DGKI: variants seen among roughly 807,000 people sequenced by gnomAD.
DGKI encodes the protein diacylglycerol kinase iota.
In DGKI, 55 loss-of-function variants were observed where a neutral mutation model predicts 147.5. That is an observed-to-expected ratio of 0.37 (90% CI 0.30 to 0.47). DGKI has a LOEUF of 0.47. DGKI is among the 20% of genes least tolerant of loss of function. The pLI, the probability that DGKI is intolerant of heterozygous loss-of-function variation, is 1.00. For synonymous variants in DGKI, 469 were observed against 477.1 expected (o/e 0.98, Z 0.22); for missense variants, 1,007 against 1,323.8 (o/e 0.76, Z 3.71).
At chr7:137,602,815 C>G (rs1228888765) in intron 10 of DGKI, among the ~76,000 whole-genome samples, 1 of 152,012 alleles carries the variant, frequency 6.6e-6, no homozygotes, top group Non-Finnish European at 1.5e-5. Flanking sequence ...AACTCTCCAG[C>G]ACTCTCATAG....
intron 1 of DGKI, among the ~76,000 whole-genome samples, chr7:137,772,360 T>A (rs1796227735): frequency 6.6e-6 from 1 of 152,178 alleles, no homozygotes; most frequent in East Asian, 1.9e-4. Context: ...TGAATTCACA[T>A]GTGAGAGCTA....
chr7:137,618,004 T>C lies in DGKI; in HGVS notation c.993+1820A>G, dbSNP rs948045180. Among the ~76,000 whole-genome samples the C allele has an allele frequency of 2.7e-5, 4 of 149,028 alleles. No individual in the cohort carries two copies. The Admixed American group carries it at 2.7e-4, about 10-fold the overall frequency. ...TCTTAAGGTTTAGAAGAGTAAACTT[T>C]GCAATTTCCCTACAAACTGGTATTA... On this transcript the variant is annotated intron_variant, in intron 8 of 32. Transcript: ENST00000614521.
intron 1 of DGKI, among the ~76,000 whole-genome samples, chr7:137,843,685 C>T (rs1294586266): frequency 2.7e-5 from 4 of 150,796 alleles, no homozygotes; most frequent in Admixed American, 6.6e-5. Context: ...ATATGCCCAC[C>T]CACTCCTCAT....
intron 28 of DGKI, among the ~76,000 whole-genome samples, chr7:137,413,694 C>T (rs187621395): frequency 2.6e-5 from 4 of 152,230 alleles, no homozygotes; most frequent in Non-Finnish European, 5.9e-5. Context: ...CTGATAGGCA[C>T]CTATGTTGAT....
At chr7:137,599,981 A>AAG in intron 10 of DGKI, 76 bp from the exon 11 acceptor site, 1 of 1,275,596 alleles carries the variant, frequency 7.8e-7, no homozygotes, top group Non-Finnish European at 1.1e-6. Context: ...TAAAAAATAA[A>AAG]TACTTTTATT....
In DGKI at chr7:137,396,041, T is replaced by C. The variant is rs1035059869; in HGVS notation, c.2958-344A>G. The C allele has an allele frequency of 8.5e-4, 158 of 186,754 alleles. 2 individuals carry two copies. Among genetic ancestry groups the C allele is most frequent in the South Asian group, 3.7e-3 (27 of 7,200 alleles). 11.6% of individuals were successfully genotyped at this position (186,754 alleles called of 1,614,324 possible). A position where few individuals can be genotyped will look rare whatever the true frequency, so the allele number is the denominator to read the frequency against. On this transcript the variant is annotated intron_variant, in intron 31 of 32. Coordinates refer to ENST00000614521, the MANE Select transcript of DGKI (RefSeq NM_001321708.2). ...ATCTGAATACTGAAGCCATTCTCTC[T>C]GTGCATACATTTGAGCAGAGCGAGA... is the stretch of plus-strand genomic sequence containing the variant.
chr7:137,724,375 C>T (rs956739206), intron 1 of DGKI, among the ~76,000 whole-genome samples: 1 of 152,162 alleles, frequency 6.6e-6, no homozygotes, highest in African/African-American at 2.4e-5. Flanking sequence ...GTCACATTCG[C>T]TGGTATGTGG....
chr7:137,552,064 T>G (rs915223710), intron 20 of DGKI, among the ~76,000 whole-genome samples: 2 of 152,232 alleles, frequency 1.3e-5, no homozygotes, highest in Non-Finnish European at 2.9e-5. Context: ...GAACACGGTT[T>G]ACCATCCTAG....
intron 20 of DGKI, among the ~76,000 whole-genome samples, chr7:137,546,250 CGG>C (rs1817862957): frequency 6.6e-6 from 1 of 151,976 alleles, no homozygotes; most frequent in African/African-American, 2.4e-5. Flanking sequence ...GACGGCAGGT[CGG>C]GGGGTGTAGG....
chr7:137,485,621 CA>C (rs1815528755), intron 22 of DGKI, among the ~76,000 whole-genome samples: 1 of 151,980 alleles, frequency 6.6e-6, no homozygotes, highest in Admixed American at 6.6e-5. Flanking sequence ...GAGAGAAGGT[CA>C]TTAAGCTGTT....
intron 19 of DGKI, among the ~76,000 whole-genome samples, 200 bp from the exon 20 acceptor site, chr7:137,552,768 A>T (rs1336137837): frequency 1.3e-5 from 2 of 151,566 alleles, no homozygotes; most frequent in South Asian, 2.1e-4. Flanking sequence ...AAAAAAAAAA[A>T]GCTGGGCATG....
At chr7:137,522,468 A>G (rs1304563911) in intron 20 of DGKI, among the ~76,000 whole-genome samples, 1 of 152,132 alleles carries the variant, frequency 6.6e-6, no homozygotes, top group Non-Finnish European at 1.5e-5. Flanking sequence ...ACACAGCTCA[A>G]TAGCCTCTTT....
intron 21 of DGKI, among the ~76,000 whole-genome samples, chr7:137,495,502 CAAAAAA>C (rs34551145): frequency 1.9e-4 from 11 of 57,390 alleles, no homozygotes; most frequent in Non-Finnish European, 3.1e-4. Context: ...CTGGCAGAGA[CAAAAAA>C]AAAAAAAAAA....
At position 137,389,862 on chromosome 7, in the gene DGKI, A is replaced by G. The variant is rs1405738319; in HGVS notation, c.*1358T>C. The G allele has an allele frequency of 1.3e-5, 2 of 152,216 alleles. No homozygotes were observed. The allele number at this position is 152,216 out of a possible 1,614,324, so 9.4% of individuals were successfully genotyped here. ...GGAAAAATAAAGTAGATAAAATAAT[A>G]TATTAGACTACCCCATACATAGAAA... On this transcript the variant is annotated 3_prime_UTR_variant, in exon 33 of 33. Coordinates refer to ENST00000614521, the MANE Select transcript of DGKI (RefSeq NM_001321708.2).
At chr7:137,415,161 G>A (rs573023169) in intron 28 of DGKI, among the ~76,000 whole-genome samples, 12 of 152,172 alleles carry the variant, frequency 7.9e-5, no homozygotes, top group East Asian at 1.9e-4. Flanking sequence ...AAAACCCTGC[G>A]TTGAAGGACA....
chr7:137,505,275 C>T (rs1047730823), intron 21 of DGKI, among the ~76,000 whole-genome samples: 1 of 152,138 alleles, frequency 6.6e-6, no homozygotes, highest in Non-Finnish European at 1.5e-5. Flanking sequence ...CATAATGATG[C>T]CTTCTCCTTA....
At chr7:137,681,036 G>A (rs1296571021) in intron 2 of DGKI, among the ~76,000 whole-genome samples, 1 of 152,172 alleles carries the variant, frequency 6.6e-6, no homozygotes, top group African/African-American at 2.4e-5. Flanking sequence ...GGCAGGAAGG[G>A]ACAAGAGAAT....
chr7:137,613,301 C>T (rs964789265), intron 8 of DGKI, among the ~76,000 whole-genome samples: 4 of 152,146 alleles, frequency 2.6e-5, no homozygotes, highest in Non-Finnish European at 4.4e-5. Context: ...TCTATTAAAG[C>T]GCATTCTTAC....
chr7:137,810,570 G>A (rs1163262404), intron 1 of DGKI, among the ~76,000 whole-genome samples: 6 of 152,086 alleles, frequency 3.9e-5, no homozygotes, highest in Non-Finnish European at 7.4e-5. Flanking sequence ...TGTGTTAGTC[G>A]AGATGAAGTA....
Sources: allele counts gnomAD v4.1 joint callset (sites outside exome capture counted in the v4.1 genomes callset), GRCh38; gene constraint gnomAD v4.1.1; transcripts MANE v1.5; gene names NCBI Gene and HGNC (gene_info 2026-07-23, HGNC 2026-07-21).